Variants in HRK observed in about 807,000 individuals in gnomAD.
HRK encodes harakiri, BCL2 interacting protein, also known as activator of apoptosis harakiri.
A neutral mutation model predicts 5.9 loss-of-function variants in HRK; 6 were observed. The ratio of observed to expected loss-of-function variants is 1.02; its 90% CI spans 0.56 to 2.01. The LOEUF (loss-of-function observed/expected upper bound fraction) is 2.01, where lower values mean the gene tolerates loss of function less well. HRK is among the 30% of genes most tolerant of loss of function. The pLI is 0.00. For missense variants in HRK, 133 were observed against 128.3 expected, an observed-to-expected ratio of 1.04 and a Z score of -0.18; for synonymous variants, 85 against 65.1, an observed-to-expected ratio of 1.31 and a Z score of -1.47.
rs770020482 is a variant in HRK, at chr12:116,862,939, T to A, written c.*57-1473A>T. ...TTTTAGTAGAGACTGAGTTTTGCCA[T>A]GTTGGCCAGACTGGTCTTGAACTCC... On this transcript the variant is annotated intron_variant, in intron 1 of 1. Transcript: ENST00000257572. The surrounding 1 kb of genome is among the most constrained non-coding windows in gnomAD (Gnocchi z 4.0). Among the ~76,000 whole-genome samples, 48 of 152,142 alleles carry A rather than the reference T, an allele frequency of 3.2e-4. No homozygotes were observed. Among genetic ancestry groups the A allele is most frequent in the Admixed American group, 1.0e-3 (16 of 15,268 alleles).
At position 116,860,914 on chromosome 12, in the gene HRK, C is replaced by A. The variant is rs754245695; in HGVS notation, c.*609G>T. 6.6e-6 allele frequency: 1 copy of A among 152,144 alleles called. No individual in the cohort carries two copies. Among genetic ancestry groups the A allele is most frequent in the African/African-American group, 2.4e-5 (1 of 41,424 alleles). The allele number at this position is 152,144 out of a possible 1,614,324, so 9.4% of individuals were successfully genotyped here. On this transcript the variant is annotated 3_prime_UTR_variant, in exon 2 of 2. Coordinates refer to ENST00000257572, the MANE Select transcript of HRK (RefSeq NM_003806.4). ...ATCTAGCGATCGACCTAGGTAAGTA[C>A]AGAGGGAGAGGCTAGGACGAGTCAA... is the stretch of plus-strand genomic sequence containing the variant.
At position 116,858,574 on chromosome 12, in the gene HRK, TCACACACACACACACA is replaced by T. The variant is rs55713149; in HGVS notation, c.*2933_*2948del. 0.014 allele frequency: 1,658 copies of T among 121,276 alleles called. 17 individuals are homozygous for T. Among genetic ancestry groups the T allele is most frequent in the South Asian group, 0.029 (85 of 2,944 alleles). 7.5% of individuals were successfully genotyped at this position (121,276 alleles called of 1,614,324 possible). A position where few individuals can be genotyped will look rare whatever the true frequency, so the allele number is the denominator to read the frequency against. ...CAGAGGCCTCCCTCTGCTTGTACGG[TCACACACACACACACA>T]CACACACACACACACACACACACAC... On this transcript the variant is annotated 3_prime_UTR_variant, in exon 2 of 2. Coordinates refer to ENST00000257572, the MANE Select transcript of HRK (RefSeq NM_003806.4).
At chr12:116,864,021 GA>G (rs1312127488) in intron 1 of HRK, among the ~76,000 whole-genome samples, 3 of 152,014 alleles carry the variant, frequency 2.0e-5, no homozygotes, top group African/African-American at 7.3e-5. Flanking sequence ...TCTATCTCAC[GA>G]GGGCACAAAC....
At position 116,861,445 on chromosome 12, in the gene HRK, A is replaced by C. The variant is rs1017747059; in HGVS notation, c.*78T>G. On this transcript the variant is annotated 3_prime_UTR_variant, in exon 2 of 2. Coordinates refer to ENST00000257572, the MANE Select transcript of HRK (RefSeq NM_003806.4). ...GGAAAACGGGAACCAGCTTTCTCCA[A>C]GGACACAGGGTTTTCACCAACCTGC... 1 of 152,202 alleles carries C rather than the reference A, an allele frequency of 6.6e-6. No homozygotes were observed. Among genetic ancestry groups the C allele is most frequent in the African/African-American group, 2.4e-5 (1 of 41,430 alleles). The allele number at this position is 152,202 out of a possible 1,614,324, so 9.4% of individuals were successfully genotyped here. A position where few individuals can be genotyped will look rare whatever the true frequency, so the allele number is the denominator to read the frequency against.
chr12:116,873,535 C>T (rs1878832487), intron 1 of HRK, among the ~76,000 whole-genome samples: 1 of 151,884 alleles, frequency 6.6e-6, no homozygotes, highest in Non-Finnish European at 1.5e-5. Context: ...CACCATACCT[C>T]ACTAATTTCT....
Position 116,862,376 on chromosome 12 carries a change from A to T in HRK, c.*57-910T>A, listed in dbSNP as rs1878396306. 6.6e-6 allele frequency among the ~76,000 whole-genome samples: 1 copy of T among 152,240 alleles called. No individual in the cohort carries two copies. Among genetic ancestry groups the T allele is most frequent in the Non-Finnish European group, 1.5e-5 (1 of 68,044 alleles). ...TGGTCTTTCCATACAATGGACTATT[A>T]GTCAGCCATCAAAAAGGAATGAAGT... On this transcript the variant is annotated intron_variant, in intron 1 of 1. Coordinates refer to ENST00000257572, the MANE Select transcript of HRK (RefSeq NM_003806.4). The surrounding 1 kb of genome is among the most constrained non-coding windows in gnomAD (Gnocchi z 4.0).
At position 116,881,363 on chromosome 12, in the gene HRK, C is replaced by A. The variant is rs879129008; in HGVS notation, c.-56G>T. The stretch of plus-strand genomic sequence containing the variant: ...GGGCCGCCCCTCGCCTCCTCTCCCT[C>A]CGGCCTCTGCGCCCGCTGCCGCCGC... On this transcript the variant is annotated 5_prime_UTR_variant, in exon 1 of 2. Coordinates refer to ENST00000257572, the MANE Select transcript of HRK (RefSeq NM_003806.4). The A allele has an allele frequency of 8.9e-5, 93 of 1,048,262 alleles. 1 individual carries two copies. The East Asian group carries it at 3.9e-3, about 43-fold the overall frequency. 64.9% of individuals were successfully genotyped at this position (1,048,262 alleles called of 1,614,324 possible).
chr12:116,858,574 TCACACACACACA>T lies in HRK; in HGVS notation c.*2937_*2948del, dbSNP rs55713149. 0.031 allele frequency: 3,752 copies of T among 121,250 alleles called. 140 individuals carry two copies. The highest frequency in any genetic ancestry group is 0.085 in the African/African-American group (2,836 of 33,512). The allele number at this position is 121,250 out of a possible 1,614,324, so 7.5% of individuals were successfully genotyped here. ...CAGAGGCCTCCCTCTGCTTGTACGG[TCACACACACACA>T]CACACACACACACACACACACACAC... On this transcript the variant is annotated 3_prime_UTR_variant, in exon 2 of 2. Coordinates refer to ENST00000257572, the MANE Select transcript of HRK (RefSeq NM_003806.4).
In HRK at chr12:116,881,045, C is replaced by A; in HGVS notation, c.263G>T (p.Arg88Met). Reference sequence around the variant, plus strand: ...AGCCCCGCGTTCCTACAAGTTCCGCCTGCCGAGCAGCCAGGCCGCCAGCGC... The same window carrying A: ...AGCCCCGCGTTCCTACAAGTTCCGCATGCCGAGCAGCCAGGCCGCCAGCGC... ...VAALAAWLLGRRNL is the reference protein window; with the variant it reads ...VAALAAWLLGMRNL The change falls in exon 1 of 2, where the codon AGG becomes ATG. Residue 88 changes from arginine to methionine, a missense_variant. Transcript: ENST00000257572. The A allele has an allele frequency of 7.4e-7, 1 of 1,357,666 alleles. No homozygotes were observed. The highest frequency in any genetic ancestry group is 9.5e-7 in the Non-Finnish European group (1 of 1,054,912). 84.1% of individuals were successfully genotyped at this position (1,357,666 alleles called of 1,614,324 possible).
At chr12:116,865,904 T>A (rs964840951) in intron 1 of HRK, among the ~76,000 whole-genome samples, 1 of 152,102 alleles carries the variant, frequency 6.6e-6, no homozygotes, top group Non-Finnish European at 1.5e-5. Context: ...ACGCCTGTAA[T>A]CCCAGCAATT....
Position 116,881,138 on chromosome 12 carries a change from C to G in HRK, c.170G>C (p.Arg57Pro). 5 of 1,197,412 alleles carry G rather than the reference C, an allele frequency of 4.2e-6. No individual in the cohort carries two copies. Among genetic ancestry groups the G allele is most frequent in the Non-Finnish European group, 5.2e-6 (5 of 967,200 alleles). The allele number at this position is 1,197,412 out of a possible 1,614,324, so 74.2% of individuals were successfully genotyped here. ...GAGCGCGCCGGGCGCCGGCGCCCTC[C>G]GGCTCCGCGCGCGGCGCCGCCACAT... ...RTMWRRRARS[R>P]RAPAPGALPT... Residue 57 changes from arginine to proline, a missense_variant, in exon 1 of 2, where the codon CGG (arginine) becomes CCG (proline). Arg to Pro is a moderately radical substitution (Grantham distance 103). Coordinates refer to ENST00000257572, the MANE Select transcript of HRK (RefSeq NM_003806.4).
intron 1 of HRK, among the ~76,000 whole-genome samples, chr12:116,869,230 C>T (rs974963216): frequency 6.6e-5 from 10 of 152,146 alleles, no homozygotes; most frequent in African/African-American, 2.2e-4. Context: ...GCTCTACCCA[C>T]CTCGGTCCCC....
At chr12:116,869,591 G>C (rs1878672489) in intron 1 of HRK, 1 of 152,222 alleles carries the variant, frequency 6.6e-6, no homozygotes, top group Non-Finnish European at 1.5e-5. Flanking sequence ...GCAAATGCGA[G>C]ATGGAGAAAG....
At chr12:116,864,945 AC>A (rs944585648) in intron 1 of HRK, among the ~76,000 whole-genome samples, 5 of 152,154 alleles carry the variant, frequency 3.3e-5, no homozygotes, top group Non-Finnish European at 5.9e-5. Context: ...TCAGATGCTA[AC>A]TCACAGCCAA....
intron 1 of HRK, among the ~76,000 whole-genome samples, chr12:116,867,298 T>C (rs576336312): frequency 1.3e-5 from 2 of 151,172 alleles, no homozygotes; most frequent in South Asian, 4.3e-4. Flanking sequence ...TGCACCACCA[T>C]GCCCCGCTAT....
intron 1 of HRK, among the ~76,000 whole-genome samples, chr12:116,866,265 T>C (rs1383165476): frequency 6.6e-6 from 1 of 151,564 alleles, no homozygotes; most frequent in African/African-American, 2.4e-5. Flanking sequence ...TCCCTAAGAC[T>C]TGAAGGAAGG....
Position 116,876,445 on chromosome 12 carries a change from G to C in HRK, c.*56+4531C>G, listed in dbSNP as rs558407169. 2.0e-4 allele frequency among the ~76,000 whole-genome samples: 31 copies of C among 152,294 alleles called. No individual in the cohort carries two copies. The East Asian group carries it at 3.7e-3, about 18-fold the overall frequency. On this transcript the variant is annotated intron_variant, in intron 1 of 1. Coordinates refer to ENST00000257572, the MANE Select transcript of HRK (RefSeq NM_003806.4). ...TTAGCATGTCTGGCTGGTGGGCCAGGCTGTCATTAATTCATTAAAGCAGGC... is the reference window on the plus strand; with the variant it reads ...TTAGCATGTCTGGCTGGTGGGCCAGCCTGTCATTAATTCATTAAAGCAGGC...
At chr12:116,874,953 G>C (rs1878877941) in intron 1 of HRK, among the ~76,000 whole-genome samples, 1 of 152,248 alleles carries the variant, frequency 6.6e-6, no homozygotes, top group Middle Eastern at 3.4e-3. Context: ...CTAACCCACA[G>C]AATGTGTGAG....
rs189560279 is a variant in HRK, at chr12:116,879,978, T to C, written c.*56+998A>G. The stretch of plus-strand genomic sequence containing the variant: ...TGCAGCGCTCCTCGCTACTCCAGGA[T>C]CCAGAGTAGTAAGACGATGCTTACG... On this transcript the variant is annotated intron_variant, in intron 1 of 1. Coordinates refer to ENST00000257572, the MANE Select transcript of HRK (RefSeq NM_003806.4). This position sits in a 1 kb window ranked among gnomAD's most constrained non-coding sequence, Gnocchi z 5.6. 2.0e-5 allele frequency among the ~76,000 whole-genome samples: 3 copies of C among 152,270 alleles called. No individual in the cohort carries two copies. The East Asian group carries it at 5.8e-4, about 29-fold the overall frequency.
Sources: allele counts gnomAD v4.1 joint callset (sites outside exome capture counted in the v4.1 genomes callset), GRCh38; gene constraint gnomAD v4.1.1; non-coding constraint Gnocchi (gnomAD v3.1); transcripts MANE v1.5; gene names NCBI Gene and HGNC (gene_info 2026-07-23, HGNC 2026-07-21).